The following IDE variants were observed in gnomAD, a reference collection of about 807,000 sequenced individuals.
IDE encodes the protein insulin-degrading enzyme.
In IDE, 58 loss-of-function variants were observed where a neutral mutation model predicts 133.2. The ratio of observed to expected loss-of-function variants is 0.44; its 90% CI spans 0.35 to 0.54. The LOEUF (loss-of-function observed/expected upper bound fraction) is 0.54, where lower values mean the gene tolerates loss of function less well. Among genes scored for constraint, IDE ranks in the 20% least tolerant of loss-of-function variants. The probability of loss-of-function intolerance (pLI) is 0.00; values close to 1 mark genes in which losing one functional copy is unlikely to be tolerated. For missense variants in IDE, 981 were observed against 1,234.0 expected (o/e 0.79, Z 3.07); for synonymous variants, 396 against 421.3 (o/e 0.94, Z 0.73).
chr10:92,568,519 A>T (rs1362406759), intron 1 of IDE, among the ~76,000 whole-genome samples: 2 of 152,338 alleles, frequency 1.3e-5, no homozygotes, highest in East Asian at 3.9e-4. Context: ...TTGTTATCCA[A>T]ATATAGAATA....
At chr10:92,470,577 CT>C (rs558942995) in intron 17 of IDE, among the ~76,000 whole-genome samples, 34 of 151,626 alleles carry the variant, frequency 2.2e-4, no homozygotes, top group Middle Eastern at 3.4e-3. Context: ...CCATTTTTAT[CT>C]TTTTTTTTAT....
At chr10:92,476,569 C>A (rs1846264099) in intron 15 of IDE, among the ~76,000 whole-genome samples, 1 of 152,188 alleles carries the variant, frequency 6.6e-6, no homozygotes, top group Non-Finnish European at 1.5e-5. Flanking sequence ...TCAAGTGAAC[C>A]TCCTGCCTCA....
intron 1 of IDE, among the ~76,000 whole-genome samples, chr10:92,572,108 C>T (rs1468999632): frequency 1.3e-5 from 2 of 152,158 alleles, no homozygotes; most frequent in Non-Finnish European, 2.9e-5. Context: ...TCTGGATGGT[C>T]GACCGGACTT....
intron 13 of IDE, among the ~76,000 whole-genome samples, chr10:92,483,545 C>T (rs1207622861): frequency 1.3e-5 from 2 of 152,230 alleles, no homozygotes; most frequent in Non-Finnish European, 2.9e-5. Context: ...AGAGTGAAAT[C>T]TGCCTTCTAT....
chr10:92,513,140 A>C (rs1848714677), intron 5 of IDE, among the ~76,000 whole-genome samples: 1 of 152,108 alleles, frequency 6.6e-6, no homozygotes, highest in South Asian at 2.1e-4. Flanking sequence ...ATGCTTTTCC[A>C]TTTTGTCTTT....
intron 12 of IDE, among the ~76,000 whole-genome samples, chr10:92,489,724 A>G (rs1213575533): frequency 6.6e-6 from 1 of 152,204 alleles, no homozygotes; most frequent in African/African-American, 2.4e-5. Flanking sequence ...TGAATATGTC[A>G]GAGATCTGTG....
chr10:92,556,902 TAC>T (rs1197404209), intron 1 of IDE, among the ~76,000 whole-genome samples: 2 of 139,390 alleles, frequency 1.4e-5, no homozygotes, highest in Admixed American at 7.5e-5. Flanking sequence ...CCACCTGGGC[TAC>T]AGAGTGAGAC....
At chr10:92,539,405 T>C (rs1057196677) in intron 1 of IDE, among the ~76,000 whole-genome samples, 3 of 152,164 alleles carry the variant, frequency 2.0e-5, no homozygotes, top group Non-Finnish European at 4.4e-5. Flanking sequence ...ACTAACATAT[T>C]GGGGCTATGT....
intron 23 of IDE, 71 bp from the exon 24 acceptor site, chr10:92,455,714 T>G: frequency 1.2e-6 from 1 of 813,586 alleles, no homozygotes. Flanking sequence ...AAAAAAAAAC[T>G]AAACCAGACT....
At chr10:92,558,215 G>A (rs895748406) in intron 1 of IDE, among the ~76,000 whole-genome samples, 2 of 152,120 alleles carry the variant, frequency 1.3e-5, no homozygotes, top group African/African-American at 4.8e-5. Flanking sequence ...ACTACGCCAG[G>A]CTAATTTTTG....
chr10:92,533,419 C>A (rs937581261), intron 3 of IDE, among the ~76,000 whole-genome samples: 1 of 152,102 alleles, frequency 6.6e-6, no homozygotes, highest in African/African-American at 2.4e-5. Context: ...ATCTCATAAA[C>A]CCATAACCTT....
At chr10:92,499,350 G>A (rs1213764389) in intron 11 of IDE, among the ~76,000 whole-genome samples, 1 of 151,788 alleles carries the variant, frequency 6.6e-6, no homozygotes, top group Admixed American at 6.6e-5. Context: ...TTGCCATGTT[G>A]GCCAGGCTGG....
At chr10:92,540,578 T>C (rs1044285089) in intron 1 of IDE, among the ~76,000 whole-genome samples, 3 of 152,212 alleles carry the variant, frequency 2.0e-5, no homozygotes, top group Non-Finnish European at 2.9e-5. Flanking sequence ...CTTCTGGTGA[T>C]AGTTATACTC....
rs1564595533 is a variant in IDE at position 92,465,666 on chromosome 10, T to A, written c.2488+10A>T. The A allele has an allele frequency of 1.9e-6, 3 of 1,606,478 alleles. No individual in the cohort carries two copies. The highest frequency in any genetic ancestry group is 2.6e-6 in the Non-Finnish European group (3 of 1,173,936). ...TACAGTACCCTGCTATTTCCCCACTTTCCTCTCACCCAACTGCTCCTTGGT... is the reference window on the plus strand; with the variant it reads ...TACAGTACCCTGCTATTTCCCCACTATCCTCTCACCCAACTGCTCCTTGGT... On this transcript the variant is annotated intron_variant, in intron 20 of 24. Transcript: ENST00000265986.
chr10:92,487,955 C>T (rs1488146805), intron 12 of IDE, among the ~76,000 whole-genome samples: 1 of 152,112 alleles, frequency 6.6e-6, no homozygotes, highest in African/African-American at 2.4e-5. Context: ...TGCCACCACA[C>T]CCGACTAATT....
In IDE at chr10:92,552,857, C is replaced by CAAAAAAAAAAAAAAAAAAAAA. The variant is rs71028827; in HGVS notation, c.99-15328_99-15308dup. 6.3e-3 allele frequency among the ~76,000 whole-genome samples: 312 copies of CAAAAAAAAAAAAAAAAAAAAA among 49,312 alleles called. 20 individuals are homozygous for CAAAAAAAAAAAAAAAAAAAAA. The highest frequency in any genetic ancestry group is 0.024 in the African/African-American group (224 of 9,304). The allele number at this position is 49,312 out of a possible 152,430, so 32.4% of individuals were successfully genotyped here. ...TGGGTGACAGAGTAAGACTCAGTCTCAAAAAAAAAAAAAAAAAAAAATTAT... is the reference window on the plus strand; with the variant it reads ...TGGGTGACAGAGTAAGACTCAGTCTCAAAAAAAAAAAAAAAAAAAAAAAAAAAAAAAAAAAAAAAAAATTAT... On this transcript the variant is annotated intron_variant, in intron 1 of 24. Transcript: ENST00000265986.
intron 1 of IDE, among the ~76,000 whole-genome samples, chr10:92,568,614 A>C (rs1490809878): frequency 4.6e-5 from 7 of 151,918 alleles, no homozygotes; most frequent in African/African-American, 1.7e-4. Flanking sequence ...TCAGGGGTTT[A>C]AGACCAGCCT....
Position 92,491,105 on chromosome 10 carries a change from G to A in IDE, c.1431-510C>T, listed in dbSNP as rs561643923. 2.6e-5 allele frequency among the ~76,000 whole-genome samples: 4 copies of A among 151,958 alleles called. No homozygotes were observed. In the South Asian group the frequency reaches 8.3e-4, roughly 32 times the overall value. ...TTGTAATAATTAACCAGGTGGGGTGGCACGCAGCTATAGTTCCAGCTACTT... is the reference window on the plus strand; with the variant it reads ...TTGTAATAATTAACCAGGTGGGGTGACACGCAGCTATAGTTCCAGCTACTT... On this transcript the variant is annotated intron_variant, in intron 11 of 24. Transcript: ENST00000265986.
At chr10:92,562,603 A>T (rs1483524978) in intron 1 of IDE, among the ~76,000 whole-genome samples, 3 of 152,158 alleles carry the variant, frequency 2.0e-5, no homozygotes, top group Non-Finnish European at 4.4e-5. Context: ...AATCTTACTG[A>T]TATCTTCCTG....
Sources: allele counts gnomAD v4.1 joint callset (sites outside exome capture counted in the v4.1 genomes callset), GRCh38; gene constraint gnomAD v4.1.1; transcripts MANE v1.5; gene names NCBI Gene and HGNC (gene_info 2026-07-23, HGNC 2026-07-21).